The following BTAF1 variants were observed in gnomAD, a reference collection of about 807,000 sequenced individuals.
BTAF1 encodes the protein B-TFIID TATA-box binding protein associated factor 1.
A neutral mutation model predicts 227.1 loss-of-function variants in BTAF1; 38 were observed. The observed-to-expected ratio is 0.17, with a 90% CI of 0.13 to 0.22. The LOEUF (loss-of-function observed/expected upper bound fraction) is 0.22. Ranked by LOEUF, BTAF1 falls within the 10% of genes least tolerant of loss-of-function variation. The pLI is 1.00. For missense variants in BTAF1, 1,598 were observed against 2,204.0 expected (o/e 0.73, Z 5.51); for synonymous variants, 742 against 751.9 (o/e 0.99, Z 0.21).
chr10:92,025,442 TTAA>T (rs1455655144), intron 35 of BTAF1, among the ~76,000 whole-genome samples: 27 of 150,202 alleles, frequency 1.8e-4, no homozygotes, highest in Admixed American at 1.2e-3. Flanking sequence ...GCTTTTTTTT[TTAA>T]AAAAAAAATG....
At chr10:92,000,746 G>T (rs528161404) in intron 25 of BTAF1, among the ~76,000 whole-genome samples, 13 of 152,188 alleles carry the variant, frequency 8.5e-5, no homozygotes, top group Admixed American at 7.9e-4. Context: ...TAGAGACGGG[G>T]TTTCACCATG....
intron 19 of BTAF1, among the ~76,000 whole-genome samples, chr10:91,984,619 G>A (rs1848276177): frequency 6.6e-6 from 1 of 152,070 alleles, no homozygotes; most frequent in Non-Finnish European, 1.5e-5. Context: ...CCAAAATTCT[G>A]ATAAATCAAT....
intron 6 of BTAF1, among the ~76,000 whole-genome samples, chr10:91,954,806 C>G (rs544510711): frequency 5.9e-5 from 9 of 152,170 alleles, no homozygotes; most frequent in Non-Finnish European, 1.2e-4. Context: ...GGTCCTCCTT[C>G]CTCGGCCTCC....
chr10:91,959,759 TA>T (rs1354009635), intron 9 of BTAF1, 25 bp from the exon 10 acceptor site: 11 of 582,164 alleles, frequency 1.9e-5, no homozygotes, highest in Non-Finnish European at 2.6e-5. Flanking sequence ...TATATATATA[TA>T]TATATATATA....
chr10:92,027,150 C>T lies in BTAF1; in HGVS notation c.5256C>T (p.Tyr1752=), dbSNP rs1228024623. ...TCCAGAAACGTGTGGTTAACGTATA[C>T]CGATTGATAACCAGAGGAACATTGG... ...RIGQKRVVNV[Y]RLITRGTLEE... is the part of the protein sequence containing the mutation. Residue 1752 remains tyrosine (Y), a synonymous_variant, in exon 37 of 38, where the codon TAC becomes TAT. Coordinates refer to ENST00000265990, the MANE Select transcript of BTAF1 (RefSeq NM_003972.3). The T allele has an allele frequency of 1.2e-6, 2 of 1,613,390 alleles. No individual in the cohort carries two copies. Among genetic ancestry groups the T allele is most frequent in the Non-Finnish European group, 1.7e-6 (2 of 1,179,684 alleles).
chr10:92,023,766 G>T (rs1445228945), intron 34 of BTAF1, among the ~76,000 whole-genome samples: 2 of 152,122 alleles, frequency 1.3e-5, no homozygotes, highest in Non-Finnish European at 2.9e-5. Flanking sequence ...CTCTCAAGTA[G>T]CTGGGACTAC....
intron 33 of BTAF1, 21 bp downstream of exon 33, chr10:92,016,486 T>TC: frequency 6.6e-7 from 1 of 1,525,398 alleles, no homozygotes; most frequent in Non-Finnish European, 8.8e-7. Context: ...CATTCTACTT[T>TC]TTTTTTTTTT....
chr10:91,993,218 T>A (rs1465202612), intron 21 of BTAF1, among the ~76,000 whole-genome samples: 1 of 152,216 alleles, frequency 6.6e-6, no homozygotes, highest in East Asian at 1.9e-4. Flanking sequence ...AATATAAATA[T>A]CTTTTTGGGG....
At chr10:91,966,847 CCAAAGATCAGGA>C in intron 14 of BTAF1, 90 bp downstream of exon 14, 1 of 1,278,048 alleles carries the variant, frequency 7.8e-7, no homozygotes, top group Non-Finnish European at 1.1e-6. Context: ...TGCTGTATAT[CCAAAGATCAGGA>C]CAATGTTGGG....
intron 34 of BTAF1, among the ~76,000 whole-genome samples, chr10:92,021,064 A>G (rs1244361713): frequency 1.3e-5 from 2 of 152,346 alleles, no homozygotes; most frequent in South Asian, 2.1e-4. Flanking sequence ...CTTTTCAGCC[A>G]GAGTGAAGGT....
In BTAF1 at chr10:91,960,043, A is replaced by T; in HGVS notation, c.1152A>T (p.Glu384Asp). The change falls in exon 11 of 38, where the codon GAA becomes GAT. Residue 384 changes from glutamate to aspartate, a missense_variant. Physicochemically the swap from Glu to Asp is conservative, Grantham distance 45 (BLOSUM62 2). This residue lies in a region of BTAF1 where 52 missense variants were observed against 72.4 expected (regional missense o/e 0.72). Coordinates refer to ENST00000265990, the MANE Select transcript of BTAF1 (RefSeq NM_003972.3). ...GTGTGGTTTTAAAACACATGAACGA[A>T]ACAGGAGTTCATAAGACTGTGGATG... ...TLGVVLKHMN[E>D]TGVHKTVDVL... The T allele has an allele frequency of 1.9e-6, 3 of 1,613,730 alleles. No homozygotes were observed. Among genetic ancestry groups the T allele is most frequent in the Non-Finnish European group, 2.5e-6 (3 of 1,179,782 alleles).
At chr10:91,961,205 A>G (rs1416007863) in intron 11 of BTAF1, among the ~76,000 whole-genome samples, 1 of 152,206 alleles carries the variant, frequency 6.6e-6, no homozygotes, top group Non-Finnish European at 1.5e-5. Context: ...ATTATGAATG[A>G]GGAGCTAGAG....
chr10:91,993,794 T>C lies in BTAF1; in HGVS notation c.3146T>C (p.Leu1049Pro), dbSNP rs1215053414. 6.2e-7 allele frequency: 1 copy of C among 1,609,382 alleles called. No homozygotes were observed. Among genetic ancestry groups the C allele is most frequent in the Non-Finnish European group, 8.5e-7 (1 of 1,177,302 alleles). Residue 1049 changes from leucine to proline, a missense_variant, in exon 22 of 38, where the codon CTC becomes CCC. Leu to Pro is a moderately conservative substitution (Grantham distance 98). This residue lies in a region of BTAF1 where 425 missense variants were observed against 491.2 expected (regional missense o/e 0.87). Transcript: ENST00000265990. The part of the protein sequence containing the change: ...GGEMAVKLPH[L>P]WDAMVGPLRN... ...GAAATGGCAGTGAAGTTGCCACATC[T>C]CTGGGATGCTATGGTTGGCCCATTG...
At chr10:91,951,947 T>C (rs947664936) in intron 5 of BTAF1, among the ~76,000 whole-genome samples, 76 of 152,190 alleles carry the variant, frequency 5.0e-4, no homozygotes, top group African/African-American at 1.8e-3. Flanking sequence ...TTTAGTGTTA[T>C]GATTTATTCT....
At chr10:91,991,277 T>TATATATATATATATATATATATATATAA (rs1848726093) in intron 20 of BTAF1, among the ~76,000 whole-genome samples, 1 of 104,984 alleles carries the variant, frequency 9.5e-6, no homozygotes, top group Non-Finnish European at 2.2e-5. Context: ...TATAAATATA[T>TATATATATATATATATATATATATATAA]ATATATATAT....
intron 33 of BTAF1, 63 bp downstream of exon 33, chr10:92,016,528 G>A: frequency 7.2e-7 from 1 of 1,391,424 alleles, no homozygotes; most frequent in South Asian, 1.6e-5. Flanking sequence ...ATCTAGGCTA[G>A]AGTGCAGTGG....
Position 91,924,002 on chromosome 10 carries a change from C to T in BTAF1, c.-75C>T. 3 of 1,560,892 alleles carry T rather than the reference C, an allele frequency of 1.9e-6. No homozygotes were observed. Among genetic ancestry groups the T allele is most frequent in the South Asian group, 1.2e-5 (1 of 83,674 alleles). ...CTCCGCGGCCTGGGCCTGCGCCGCT[C>T]AGCTCTCTGGAAACTAGCGCCTCAG... On this transcript the variant is annotated 5_prime_UTR_variant, in exon 1 of 38. Transcript: ENST00000265990.
intron 1 of BTAF1, among the ~76,000 whole-genome samples, chr10:91,931,378 A>G (rs576229333): frequency 2.5e-4 from 38 of 152,350 alleles, no homozygotes; most frequent in African/African-American, 8.9e-4. Flanking sequence ...CTTATCTTCT[A>G]TAGTCTTTGG....
Position 91,996,524 on chromosome 10 carries a change from A to C in BTAF1, c.3465A>C (p.Ala1155=). 6.2e-7 allele frequency: 1 copy of C among 1,614,182 alleles called. No homozygotes were observed. Among genetic ancestry groups the C allele is most frequent in the Non-Finnish European group, 8.5e-7 (1 of 1,180,028 alleles). The change falls in exon 24 of 38, where the codon GCA becomes GCC. Residue 1155 remains alanine, a synonymous_variant. Transcript: ENST00000265990. ...FLEKVLPWLG[A]IDDSVKQEGA... ...AGAAGGTTCTTCCGTGGCTGGGAGCAATTGATGACAGTGTCAAACAAGAGG... is the reference window on the plus strand; with the variant it reads ...AGAAGGTTCTTCCGTGGCTGGGAGCCATTGATGACAGTGTCAAACAAGAGG...
Sources: allele counts gnomAD v4.1 joint callset (sites outside exome capture counted in the v4.1 genomes callset), GRCh38; gene constraint gnomAD v4.1.1; regional missense constraint gnomAD v4.1.1; transcripts MANE v1.5; gene names NCBI Gene and HGNC (gene_info 2026-07-23, HGNC 2026-07-21).